The following RSPO4 variants were observed in gnomAD, a reference collection of about 807,000 sequenced individuals.
RSPO4 encodes the protein R-spondin-4.
In RSPO4, 23 loss-of-function variants were observed where a neutral mutation model predicts 24.8. That is an observed-to-expected ratio of 0.93 (90% CI 0.67 to 1.31). The LOEUF (loss-of-function observed/expected upper bound fraction) is 1.31, where lower values mean the gene tolerates loss of function less well. RSPO4 is among the 40% of genes most tolerant of loss of function. The pLI is 0.00. For synonymous variants in RSPO4, 141 were observed against 127.4 expected, an observed-to-expected ratio of 1.11 and a Z score of -0.72; for missense variants, 333 against 316.5, an observed-to-expected ratio of 1.05 and a Z score of -0.39.
At position 970,152 on chromosome 20, in the gene RSPO4, C is replaced by T. The variant is rs1456751160; in HGVS notation, c.80-2014G>A. Among the ~76,000 whole-genome samples, 1 of 152,128 alleles carries T rather than the reference C, an allele frequency of 6.6e-6. No homozygotes were observed. Among genetic ancestry groups the T allele is most frequent in the Non-Finnish European group, 1.5e-5 (1 of 68,030 alleles). On this transcript the variant is annotated intron_variant, in intron 1 of 4. Coordinates refer to ENST00000217260, the MANE Select transcript of RSPO4 (RefSeq NM_001029871.4). The surrounding 1 kb of genome is among the most constrained non-coding windows in gnomAD (Gnocchi z 4.1). ...CGGTCAGATACACATTCTGGTGACT[C>T]CAGTCCTGGGAGTGGGACACAAGAG...
At chr20:974,008 C>T (rs905018199) in intron 1 of RSPO4, among the ~76,000 whole-genome samples, 3 of 152,180 alleles carry the variant, frequency 2.0e-5, no homozygotes, top group Non-Finnish European at 4.4e-5. Flanking sequence ...GTGCTACTGC[C>T]TCTCTCTACC....
At chr20:995,935 CCACT>C (rs1471448669) in intron 1 of RSPO4, among the ~76,000 whole-genome samples, 2 of 152,190 alleles carry the variant, frequency 1.3e-5, no homozygotes, top group African/African-American at 2.4e-5. Context: ...GCACACTCAC[CCACT>C]CATACACCCA....
At chr20:999,962 G>A (rs1307938247) in intron 1 of RSPO4, among the ~76,000 whole-genome samples, 1 of 152,020 alleles carries the variant, frequency 6.6e-6, no homozygotes, top group Non-Finnish European at 1.5e-5. Flanking sequence ...TCTGCCTCCT[G>A]GGTTCAAGCG....
At chr20:1,001,157 G>A (rs922076457) in intron 1 of RSPO4, among the ~76,000 whole-genome samples, 2 of 152,152 alleles carry the variant, frequency 1.3e-5, no homozygotes, top group Non-Finnish European at 1.5e-5. Context: ...CATATAGTTG[G>A]GATTTGATGA....
At chr20:994,514 C>A (rs1985211285) in intron 1 of RSPO4, among the ~76,000 whole-genome samples, 2 of 152,076 alleles carry the variant, frequency 1.3e-5, no homozygotes, top group Admixed American at 1.3e-4. Flanking sequence ...TTAAGAAATT[C>A]CTGCAGACAG....
chr20:996,200 C>T (rs921162463), intron 1 of RSPO4, among the ~76,000 whole-genome samples: 1 of 148,128 alleles, frequency 6.8e-6, no homozygotes, highest in African/African-American at 2.5e-5. Flanking sequence ...CTATTTTAGT[C>T]AGTGCTATTC....
chr20:994,390 G>A (rs1450354434), intron 1 of RSPO4, among the ~76,000 whole-genome samples: 1 of 152,012 alleles, frequency 6.6e-6, no homozygotes, highest in Non-Finnish European at 1.5e-5. Context: ...CCGTGGCTTG[G>A]TCTCTTTCAC....
intron 1 of RSPO4, among the ~76,000 whole-genome samples, chr20:980,884 A>C (rs6108256): frequency 0.21 from 32,426 of 152,086 alleles, 7,252 homozygotes; most frequent in African/African-American, 0.57. Flanking sequence ...AGATCTTCAA[A>C]AACTGTCCTG....
chr20:1,001,808 C>T (rs975362286), intron 1 of RSPO4, among the ~76,000 whole-genome samples: 3 of 152,152 alleles, frequency 2.0e-5, no homozygotes, highest in African/African-American at 7.2e-5. Context: ...CGAAGCCATC[C>T]TCCTTTCTGC....
At chr20:967,852 T>A in intron 2 of RSPO4, 98 bp downstream of exon 2, 3 of 1,229,540 alleles carry the variant, frequency 2.4e-6, no homozygotes, top group Non-Finnish European at 3.6e-6. Context: ...GACATGCACC[T>A]ACTTCCCCTC....
Position 963,877 on chromosome 20 carries a change from C to T in RSPO4, c.595+58G>A, listed in dbSNP as rs182021439. ...TATTTGTGGGGCAGTGATCTGAGTC[C>T]GCCCTGTCCCTGTGGGCCTTTCCCA... On this transcript the variant is annotated intron_variant, in intron 4 of 4. Transcript: ENST00000217260. The T allele has an allele frequency of 3.0e-4, 472 of 1,548,842 alleles. 1 individual carries two copies. Among genetic ancestry groups the T allele is most frequent in the African/African-American group, 6.2e-4 (46 of 73,826 alleles).
In RSPO4 at chr20:967,951, T is replaced by C; in HGVS notation, c.267A>G (p.Lys89=). 1 of 1,614,140 alleles carries C rather than the reference T, an allele frequency of 6.2e-7. No individual in the cohort carries two copies. The highest frequency in any genetic ancestry group is 1.6e-4 in the Middle Eastern group (1 of 6,062). ...TAGAACAAGGGAGAAGCCACGTACT[T>C]TTGCACCTGTTGACCTCCTGGCCGC... ...GIRGQEVNRC[K]KCGATCESCF... is the part of the protein sequence containing the mutation. Residue 89 remains lysine, a splice_region_variant and synonymous_variant, in exon 2 of 5, where the codon AAA becomes AAG. Transcript: ENST00000217260.
Position 960,317 on chromosome 20 carries a change from G to C in RSPO4, c.*40C>G. ...AGAAGGAGCAGGAGGAGGTGTGCAGGGGCCGAGGACTAGGACCAGAGAGTC... is the reference window on the plus strand; with the variant it reads ...AGAAGGAGCAGGAGGAGGTGTGCAGCGGCCGAGGACTAGGACCAGAGAGTC... On this transcript the variant is annotated 3_prime_UTR_variant, in exon 5 of 5. Coordinates refer to ENST00000217260, the MANE Select transcript of RSPO4 (RefSeq NM_001029871.4). 1.5e-6 allele frequency: 2 copies of C among 1,353,160 alleles called. No individual in the cohort carries two copies. The highest frequency in any genetic ancestry group is 2.5e-5 in the South Asian group (2 of 80,288). 83.8% of individuals were successfully genotyped at this position (1,353,160 alleles called of 1,614,324 possible).
At position 964,033 on chromosome 20, in the gene RSPO4, C is replaced by G. The variant is rs201621545; in HGVS notation, c.497G>C (p.Arg166Pro). 3.7e-6 allele frequency: 6 copies of G among 1,613,716 alleles called. No homozygotes were observed. The East Asian group carries it at 1.3e-4, about 36-fold the overall frequency. ...TCGSAWGLES[R>P]VREAGRAGHE... ...CCCAGCCCGGCCAGCCTCTCGTACC[C>G]GGCTCTCCAGGCCCCAAGCCGAGCC... is the stretch of plus-strand genomic sequence containing the variant. Residue 166 changes from arginine (R) to proline (P), a missense_variant, in exon 4 of 5, where the codon CGG (arginine) becomes CCG (proline). Physicochemically the swap from Arg to Pro is moderately radical, Grantham distance 103. Transcript: ENST00000217260.
Position 997,647 on chromosome 20 carries a change from G to A in RSPO4, c.79+4439C>T, listed in dbSNP as rs76450166. On this transcript the variant is annotated intron_variant, in intron 1 of 4. Transcript: ENST00000217260. ...GGGACATACTTTGTTCGTGCCCAGC[G>A]ATGGCGCCTGCTTGCCCAGGGCCTG... Among the ~76,000 whole-genome samples the A allele has an allele frequency of 7.7e-3, 1,176 of 152,220 alleles. 16 individuals are homozygous for A. The highest frequency in any genetic ancestry group is 0.027 in the African/African-American group (1,117 of 41,522).
At chr20:998,371 A>G (rs1296675403) in intron 1 of RSPO4, among the ~76,000 whole-genome samples, 1 of 152,210 alleles carries the variant, frequency 6.6e-6, no homozygotes, top group Non-Finnish European at 1.5e-5. Flanking sequence ...GCATGTTTCA[A>G]AAAAATGTCC....
rs1983903774 is a variant in RSPO4, at chr20:959,190, AGC to A, written c.*1165_*1166del. 1.1e-5 allele frequency: 1 copy of A among 93,572 alleles called. No individual in the cohort carries two copies. Among genetic ancestry groups the A allele is most frequent in the African/African-American group, 5.0e-5 (1 of 20,182 alleles). The allele number at this position is 93,572 out of a possible 1,614,324, so 5.8% of individuals were successfully genotyped here. On this transcript the variant is annotated 3_prime_UTR_variant, in exon 5 of 5. Transcript: ENST00000217260. ...GTGGGCAAGTGTGGGGGTGGGTGTC[AGC>A]GTGTGGGGGTGGGTGTCAGCGAGTG... is the stretch of plus-strand genomic sequence containing the variant.
At chr20:982,441 G>A (rs1229684364) in intron 1 of RSPO4, among the ~76,000 whole-genome samples, 2 of 152,220 alleles carry the variant, frequency 1.3e-5, no homozygotes, top group Non-Finnish European at 2.9e-5. Context: ...AACTACTGGA[G>A]AAGAGTTTCT....
At chr20:997,153 G>A (rs752330684) in intron 1 of RSPO4, among the ~76,000 whole-genome samples, 2 of 152,188 alleles carry the variant, frequency 1.3e-5, no homozygotes, top group Non-Finnish European at 2.9e-5. Flanking sequence ...GAGTGAGGAC[G>A]CGCAGCCCCA....
Sources: allele counts gnomAD v4.1 joint callset (sites outside exome capture counted in the v4.1 genomes callset), GRCh38; gene constraint gnomAD v4.1.1; non-coding constraint Gnocchi (gnomAD v3.1); transcripts MANE v1.5; gene names NCBI Gene and HGNC (gene_info 2026-07-23, HGNC 2026-07-21).